AFAP1L2: variants seen among roughly 807,000 people sequenced by gnomAD.
AFAP1L2 encodes the protein actin filament-associated protein 1-like 2.
AFAP1L2 carries 46 observed loss-of-function variants against 99.3 expected under a neutral mutation model. That is an observed-to-expected ratio of 0.46 (90% CI 0.37 to 0.59). AFAP1L2 has a LOEUF of 0.59. Ranked by LOEUF, AFAP1L2 falls within the 20% of genes least tolerant of loss-of-function variation. The pLI, the probability that AFAP1L2 is intolerant of heterozygous loss-of-function variation, is 0.00. For missense variants in AFAP1L2, 959 were observed against 1,034.9 expected (o/e 0.93, Z 1.01); for synonymous variants, 397 against 419.1 (o/e 0.95, Z 0.64).
chr10:114,379,849 C>T (rs1056517069), intron 1 of AFAP1L2, among the ~76,000 whole-genome samples: 35 of 152,340 alleles, frequency 2.3e-4, no homozygotes, highest in African/African-American at 7.2e-4. Context: ...TGCCTTACAA[C>T]TCCCCAGAAA....
intron 5 of AFAP1L2, among the ~76,000 whole-genome samples, chr10:114,320,881 C>G (rs577782502): frequency 6.6e-6 from 1 of 152,314 alleles, no homozygotes; most frequent in East Asian, 1.9e-4. Context: ...ACAGCAGCAC[C>G]GCACCCTCGC....
At chr10:114,386,973 C>T (rs377648091) in intron 1 of AFAP1L2, among the ~76,000 whole-genome samples, 3 of 152,332 alleles carry the variant, frequency 2.0e-5, no homozygotes, top group East Asian at 3.9e-4. Context: ...CCTTACTGAG[C>T]CTTCACTTCC....
intron 2 of AFAP1L2, among the ~76,000 whole-genome samples, chr10:114,335,487 C>A (rs1271029115): frequency 6.6e-6 from 1 of 150,712 alleles, no homozygotes; most frequent in African/African-American, 2.4e-5. Context: ...GTGGTGGGCG[C>A]CTGTAGTCCC....
intron 1 of AFAP1L2, among the ~76,000 whole-genome samples, chr10:114,397,015 C>G (rs2057783212): frequency 6.6e-6 from 1 of 152,158 alleles, no homozygotes; most frequent in Non-Finnish European, 1.5e-5. Context: ...TTGCTAATTA[C>G]AACCCATGAT....
chr10:114,303,347 G>A (rs1027634021), intron 11 of AFAP1L2, among the ~76,000 whole-genome samples: 9 of 151,902 alleles, frequency 5.9e-5, no homozygotes, highest in East Asian at 1.9e-4. Flanking sequence ...TTGTTCTGTC[G>A]CCCAGGCTGG....
intron 1 of AFAP1L2, among the ~76,000 whole-genome samples, chr10:114,394,837 G>A (rs1057366709): frequency 6.6e-6 from 1 of 152,040 alleles, no homozygotes; most frequent in Non-Finnish European, 1.5e-5. Context: ...CCGACTCCTG[G>A]GAGACATGAG....
intron 18 of AFAP1L2, 109 bp downstream of exon 18, chr10:114,296,869 G>T: frequency 1.3e-6 from 2 of 1,577,806 alleles, no homozygotes; most frequent in Non-Finnish European, 1.7e-6. Context: ...CCGAGCCCTT[G>T]CTCAGAGCTG....
At chr10:114,371,373 A>G (rs79876078) in intron 1 of AFAP1L2, among the ~76,000 whole-genome samples, 90 of 152,350 alleles carry the variant, frequency 5.9e-4, no homozygotes, top group African/African-American at 2.1e-3. Context: ...AAATCAGGGA[A>G]GGAAAGCCTT....
chr10:114,361,787 T>C lies in AFAP1L2; in HGVS notation c.17-21056A>G, dbSNP rs1272361257. ...TAGACCCTTAGATTTTGTCACTAAA[T>C]AAAATGGGTATGGCCCTCTTGGAGT... On this transcript the variant is annotated intron_variant, in intron 1 of 18. Transcript: ENST00000304129. Among the ~76,000 whole-genome samples the C allele has an allele frequency of 2.0e-5, 3 of 152,146 alleles. No homozygotes were observed. In the East Asian group the frequency reaches 5.8e-4, roughly 29 times the overall value.
At chr10:114,360,338 C>T (rs1406023003) in intron 1 of AFAP1L2, among the ~76,000 whole-genome samples, 2 of 152,142 alleles carry the variant, frequency 1.3e-5, no homozygotes, top group African/African-American at 4.8e-5. Flanking sequence ...GACCTTCAGA[C>T]TCAAACTAGA....
In AFAP1L2 at chr10:114,295,595, A is replaced by T. The variant is rs1038100605; in HGVS notation, c.*447T>A. 3.0e-6 allele frequency: 3 copies of T among 988,492 alleles called. No individual in the cohort carries two copies. The African/African-American group carries it at 5.2e-5, about 17-fold the overall frequency. 61.2% of individuals were successfully genotyped at this position (988,492 alleles called of 1,614,324 possible). On this transcript the variant is annotated 3_prime_UTR_variant, in exon 19 of 19. Transcript: ENST00000304129. ...GAAGGCAAGGATGGTTTAATCCCCA[A>T]CTGCTAAGTATTGGATAAGAGATGA...
intron 1 of AFAP1L2, among the ~76,000 whole-genome samples, chr10:114,402,310 G>A (rs1161002384): frequency 6.6e-6 from 1 of 152,188 alleles, no homozygotes; most frequent in Non-Finnish European, 1.5e-5. Context: ...TTTAAAGGGT[G>A]TTCAAAGCAC....
intron 1 of AFAP1L2, among the ~76,000 whole-genome samples, chr10:114,346,253 C>A (rs1022103572): frequency 6.6e-6 from 1 of 152,118 alleles, no homozygotes; most frequent in Non-Finnish European, 1.5e-5. Context: ...CCACTGTGAC[C>A]AGCGGCACTC....
Position 114,377,622 on chromosome 10 carries a change from G to A in AFAP1L2, c.16+26818C>T, listed in dbSNP as rs572586043. On this transcript the variant is annotated intron_variant, in intron 1 of 18. Transcript: ENST00000304129. The surrounding 1 kb of genome is among the most constrained non-coding windows in gnomAD (Gnocchi z 4.0). ...AGTCAATGGTATAGAGTGGTTATTC[G>A]ATTTCCCCAGTGTGATGATGGGGTT... Among the ~76,000 whole-genome samples, 11 of 152,306 alleles carry A rather than the reference G, an allele frequency of 7.2e-5. No homozygotes were observed. Among genetic ancestry groups the A allele is most frequent in the East Asian group, 1.9e-4 (1 of 5,182 alleles).
At chr10:114,285,840 C>T in the AFAP1L2 span, 2 of 1,282,108 alleles carry the variant, frequency 1.6e-6, no homozygotes, top group South Asian at 3.1e-5. Context: ...AGTTTCTCTG[C>T]ACCATCTCCC....
intron 1 of AFAP1L2, chr10:114,398,965 C>T (rs1236876092): frequency 9.5e-6 from 12 of 1,264,346 alleles, no homozygotes; most frequent in Middle Eastern, 2.2e-4. Context: ...TGTGGGCTTT[C>T]ATCTCCATTT....
chr10:114,289,687 A>G, the AFAP1L2 span: 4 of 625,672 alleles, frequency 6.4e-6, no homozygotes, highest in Non-Finnish European at 1.1e-5. Flanking sequence ...CATTTAAGGT[A>G]CAGAAAGTTT....
chr10:114,353,009 G>A (rs933017247), intron 1 of AFAP1L2, among the ~76,000 whole-genome samples: 37 of 152,110 alleles, frequency 2.4e-4, no homozygotes, highest in African/African-American at 8.5e-4. Context: ...TATATTTGTG[G>A]AACTAAAACG....
At chr10:114,351,279 G>C (rs901234623) in intron 1 of AFAP1L2, among the ~76,000 whole-genome samples, 10 of 152,200 alleles carry the variant, frequency 6.6e-5, no homozygotes, top group African/African-American at 2.4e-4. Context: ...GCAGAGAAAA[G>C]AAGTTGTGCA....
Sources: gnomAD v4.1 joint callset for allele counts (sites outside exome capture counted in the v4.1 genomes callset) on GRCh38, gnomAD v4.1.1 for gene constraint, Gnocchi (gnomAD v3.1) non-coding constraint, MANE v1.5 for transcripts, NCBI Gene and HGNC (gene_info 2026-07-23, HGNC 2026-07-21) for gene names.